The following DMD variants were observed in gnomAD, a reference collection of about 807,000 sequenced individuals.
DMD encodes the protein dystrophin.
A neutral mutation model predicts 330.1 loss-of-function variants in DMD; 63 were observed. The ratio of observed to expected loss-of-function variants is 0.19; its 90% CI spans 0.16 to 0.24. DMD has a LOEUF of 0.24. DMD is among the 10% of genes least tolerant of loss of function. The pLI, the probability that DMD is intolerant of heterozygous loss-of-function variation, is 1.00. For synonymous variants in DMD, 1,223 were observed against 959.8 expected, an observed-to-expected ratio of 1.27 and a Z score of -5.07; for missense variants, 3,344 against 2,684.1, an observed-to-expected ratio of 1.25 and a Z score of -5.43.
intron 1 of DMD, among the ~76,000 whole-genome samples, chrX:33,067,020 A>G (rs1293207504): frequency 8.9e-6 from 1 of 112,211 alleles, no homozygotes; most frequent in African/African-American, 3.2e-5. Context: ...TCAAACACCC[A>G]TAAGGACCTT....
At chrX:31,559,368 C>G (rs868547693) in intron 55 of DMD, among the ~76,000 whole-genome samples, 1 of 99,165 alleles carries the variant, frequency 1.0e-5, no homozygotes, top group Non-Finnish European at 2.0e-5. Context: ...GGCTGCCGGG[C>G]GCGGTGGCTC....
At chrX:31,687,489 A>C (rs1198309978) in intron 52 of DMD, among the ~76,000 whole-genome samples, 1 of 111,288 alleles carries the variant, frequency 9.0e-6, no homozygotes, top group Non-Finnish European at 1.9e-5. Flanking sequence ...AGCTGATGGA[A>C]GAGCCCTTGG....
At chrX:32,442,794 A>T (rs1237406714) in intron 27 of DMD, among the ~76,000 whole-genome samples, 1 of 110,937 alleles carries the variant, frequency 9.0e-6, no homozygotes, top group African/African-American at 3.3e-5. Context: ...TTAAACAGAG[A>T]ATACAGACGT....
intron 63 of DMD, among the ~76,000 whole-genome samples, chrX:31,237,913 T>A (rs189106471): frequency 5.0e-4 from 55 of 110,184 alleles, no homozygotes; most frequent in African/African-American, 1.8e-3. Flanking sequence ...AGAGATGAGG[T>A]TTCACCATGC....
At chrX:32,719,922 C>T (rs1045898616) in intron 7 of DMD, among the ~76,000 whole-genome samples, 4 of 109,521 alleles carry the variant, frequency 3.7e-5, no homozygotes, top group African/African-American at 6.6e-5. Context: ...CATGTGCACA[C>T]GTGCACACAC....
At position 32,999,602 on chromosome X, in the gene DMD, C is replaced by A. The variant is rs759981494; in HGVS notation, c.93+20537G>T. 3.0e-3 allele frequency among the ~76,000 whole-genome samples: 332 copies of A among 110,407 alleles called. 4 individuals are homozygous for A. Among genetic ancestry groups the A allele is most frequent in the African/African-American group, 0.01 (315 of 30,423 alleles). On this transcript the variant is annotated intron_variant, in intron 2 of 78. Coordinates refer to ENST00000357033, the MANE Select transcript of DMD (RefSeq NM_004006.3). ...GCCATCCTGGCTAACATGGTGAAAC[C>A]CCGCCTCTACTAAAAATACAAAAAT...
In DMD at chrX:32,394,965, C is replaced by T. The variant is rs191705510; in HGVS notation, c.4234-4784G>A. 4.4e-3 allele frequency among the ~76,000 whole-genome samples: 440 copies of T among 98,988 alleles called. 6 individuals carry two copies. Among genetic ancestry groups the T allele is most frequent in the African/African-American group, 0.015 (423 of 27,479 alleles). 86.0% of individuals were successfully genotyped at this position (98,988 alleles called of 115,157 possible). On this transcript the variant is annotated intron_variant, in intron 30 of 78. Transcript: ENST00000357033. ...AAATCATCATCAGTATCCTCACCAC[C>T]ACAGATATTTGTGGGAACTTATGTG...
At chrX:31,791,451 T>C (rs924419614) in intron 50 of DMD, among the ~76,000 whole-genome samples, 4 of 111,449 alleles carry the variant, frequency 3.6e-5, no homozygotes, top group Admixed American at 9.5e-5. Context: ...CTGACATGAA[T>C]ATCTATCTTC....
intron 1 of DMD, among the ~76,000 whole-genome samples, chrX:33,282,962 T>C (rs761981600): frequency 8.3e-4 from 93 of 112,380 alleles, no homozygotes; most frequent in African/African-American, 2.2e-3. Flanking sequence ...CAATTTTCTT[T>C]TGATGGCCTC....
chrX:31,968,382 G>A lies in DMD; in HGVS notation c.6571C>T (p.Arg2191Trp), dbSNP rs149322279. 2.2e-4 allele frequency: 270 copies of A among 1,208,397 alleles called. No individual in the cohort carries two copies. The highest frequency in any genetic ancestry group is 5.5e-4 in the Admixed American group (25 of 45,594). The change falls in exon 45 of 79, where the codon CGG (arginine) becomes TGG (tryptophan). Residue 2191 changes from arginine (R) to tryptophan (W), a missense_variant. Coordinates refer to ENST00000357033, the MANE Select transcript of DMD (RefSeq NM_004006.3). ...LQEKLGSLNL[R>W]WQEVCKQLSD... The stretch of plus-strand genomic sequence containing the variant: ...AGCTGTTTGCAGACCTCCTGCCACC[G>A]CAGATTCAGGCTTCCCAATTTTTCC...
intron 49 of DMD, among the ~76,000 whole-genome samples, chrX:31,825,934 T>C (rs2092884985): frequency 8.9e-6 from 1 of 111,754 alleles, no homozygotes; most frequent in Non-Finnish European, 1.9e-5. Context: ...ATATTTTATA[T>C]GGTAAAAATG....
At chrX:32,463,331 C>G in intron 25 of DMD, 108 bp downstream of exon 25, 1 of 743,489 alleles carries the variant, frequency 1.3e-6, no homozygotes, top group Non-Finnish European at 1.8e-6. Context: ...TGCTTTAAAG[C>G]AAAAACATAG....
chrX:31,964,801 A>G (rs910620630), intron 45 of DMD, among the ~76,000 whole-genome samples: 1 of 111,287 alleles, frequency 9.0e-6, no homozygotes, highest in African/African-American at 3.3e-5. Flanking sequence ...AATTTTTCAC[A>G]AAAAGACTTG....
chrX:33,325,971 A>C (rs1476909160), intron 1 of DMD, among the ~76,000 whole-genome samples: 1 of 111,723 alleles, frequency 9.0e-6, no homozygotes, highest in African/African-American at 3.3e-5. Context: ...TTAAAATACC[A>C]TGTAGGGTAA....
At chrX:32,648,057 G>A (rs143359305) in intron 9 of DMD, among the ~76,000 whole-genome samples, 7,683 of 111,509 alleles carry the variant, frequency 0.069, 268 homozygotes, top group African/African-American at 0.14. Context: ...ACTTTACACT[G>A]TGCAATTTGA....
At chrX:31,728,742 C>T (rs1247725519) in intron 52 of DMD, among the ~76,000 whole-genome samples, 1 of 111,709 alleles carries the variant, frequency 9.0e-6, no homozygotes, top group Non-Finnish European at 1.9e-5. Context: ...AAAGGTTTTC[C>T]TCCTTCCTGC....
At chrX:31,374,373 G>A (rs905238787) in intron 60 of DMD, among the ~76,000 whole-genome samples, 5 of 107,978 alleles carry the variant, frequency 4.6e-5, no homozygotes, top group Admixed American at 3.0e-4. Flanking sequence ...ACATGCACAC[G>A]TACGTTTATT....
intron 60 of DMD, among the ~76,000 whole-genome samples, chrX:31,373,716 T>C (rs776668630): frequency 1.3e-4 from 14 of 111,137 alleles, no homozygotes; most frequent in Non-Finnish European, 1.9e-4. Flanking sequence ...CCACAAAAAC[T>C]CTAGAAGAAA....
At chrX:32,770,396 A>G (rs1271207288) in intron 7 of DMD, among the ~76,000 whole-genome samples, 2 of 111,941 alleles carry the variant, frequency 1.8e-5, no homozygotes, top group Non-Finnish European at 3.8e-5. Flanking sequence ...AACTACATTT[A>G]CAATGATTTA....
Sources: allele counts gnomAD v4.1 joint callset (sites outside exome capture counted in the v4.1 genomes callset), GRCh38; gene constraint gnomAD v4.1.1; transcripts MANE v1.5; gene names NCBI Gene and HGNC (gene_info 2026-07-23, HGNC 2026-07-21).